PTPRM: variants seen among roughly 807,000 people sequenced by gnomAD.
PTPRM encodes receptor-type tyrosine-protein phosphatase mu.
Under a neutral mutation model 186.7 loss-of-function variants are expected in PTPRM, and 47 were observed. The observed-to-expected ratio is 0.25, with a 90% CI of 0.20 to 0.32. PTPRM has a LOEUF of 0.32. Ranked by LOEUF, PTPRM falls within the 10% of genes least tolerant of loss-of-function variation. PTPRM has a pLI of 1.00. For synonymous variants in PTPRM, 668 were observed against 674.9 expected, an observed-to-expected ratio of 0.99 and a Z score of 0.16; for missense variants, 1,494 against 1,865.0, an observed-to-expected ratio of 0.80 and a Z score of 3.66.
intron 11 of PTPRM, among the ~76,000 whole-genome samples, chr18:8,093,435 C>T (rs564651089): frequency 3.3e-5 from 5 of 152,206 alleles, no homozygotes; most frequent in South Asian, 2.1e-4. Flanking sequence ...TTCCTTTTTT[C>T]GTCTCATTTT....
intron 19 of PTPRM, among the ~76,000 whole-genome samples, chr18:8,286,435 G>C (rs577508644): frequency 4.6e-5 from 7 of 152,336 alleles, no homozygotes; most frequent in Non-Finnish European, 8.8e-5. Flanking sequence ...CTTCCGCCAT[G>C]CTGGGATTTC....
chr18:7,685,089 C>T (rs898361556), intron 1 of PTPRM, among the ~76,000 whole-genome samples: 7 of 152,130 alleles, frequency 4.6e-5, no homozygotes, highest in Admixed American at 2.0e-4. Context: ...CGATTATAAA[C>T]GTAATCACAG....
At chr18:7,812,121 C>CT (rs76188898) in intron 2 of PTPRM, among the ~76,000 whole-genome samples, 7,992 of 152,256 alleles carry the variant, frequency 0.052, 605 homozygotes, top group African/African-American at 0.16. Context: ...TTATTACCAA[C>CT]TTTATCTCTG....
At chr18:8,049,154 T>G (rs886860082) in intron 7 of PTPRM, among the ~76,000 whole-genome samples, 2 of 152,228 alleles carry the variant, frequency 1.3e-5, no homozygotes, top group African/African-American at 4.8e-5. Flanking sequence ...ACAGTTTCCT[T>G]GTAAAGTTCA....
intron 7 of PTPRM, among the ~76,000 whole-genome samples, chr18:8,026,598 T>C (rs557137749): frequency 6.6e-5 from 10 of 152,326 alleles, no homozygotes; most frequent in African/African-American, 2.4e-4. Flanking sequence ...GGCTCACGCT[T>C]GTAATTCCAA....
chr18:7,692,601 T>C (rs888101646), intron 1 of PTPRM, among the ~76,000 whole-genome samples: 1 of 152,176 alleles, frequency 6.6e-6, no homozygotes, highest in African/African-American at 2.4e-5. Flanking sequence ...TGTGAAACAG[T>C]TGGATAATTA....
chr18:8,345,943 C>A (rs2095502424), intron 23 of PTPRM, among the ~76,000 whole-genome samples: 1 of 152,160 alleles, frequency 6.6e-6, no homozygotes, highest in South Asian at 2.1e-4. Context: ...GTAAAATTAT[C>A]TGTATTACAA....
chr18:7,856,743 CAA>C (rs5822986), intron 2 of PTPRM, among the ~76,000 whole-genome samples: 2 of 140,576 alleles, frequency 1.4e-5, no homozygotes, highest in Non-Finnish European at 3.1e-5. Context: ...GACCCTGTCT[CAA>C]AAAAAAAAAA....
chr18:7,811,230 C>T (rs1215436400), intron 2 of PTPRM, among the ~76,000 whole-genome samples: 2 of 152,224 alleles, frequency 1.3e-5, no homozygotes, highest in African/African-American at 4.8e-5. Flanking sequence ...ATCAGAGACA[C>T]CCTTTTACTG....
intron 19 of PTPRM, among the ~76,000 whole-genome samples, chr18:8,278,249 G>C (rs2094859652): frequency 6.6e-6 from 1 of 152,226 alleles, no homozygotes; most frequent in Non-Finnish European, 1.5e-5. Flanking sequence ...GCAATGCAAA[G>C]TATTAAAGCA....
At chr18:7,819,834 A>G (rs1243484395) in intron 2 of PTPRM, among the ~76,000 whole-genome samples, 1 of 152,122 alleles carries the variant, frequency 6.6e-6, no homozygotes, top group Non-Finnish European at 1.5e-5. Context: ...GAAGCAAGCC[A>G]TACCACCATC....
chr18:8,376,143 T>C lies in PTPRM; in HGVS notation c.3269T>C (p.Val1090Ala). 6.2e-7 allele frequency: 1 copy of C among 1,613,944 alleles called. No individual in the cohort carries two copies. Among genetic ancestry groups the C allele is most frequent in the Non-Finnish European group, 8.5e-7 (1 of 1,180,018 alleles). The change falls in exon 25 of 33, where the codon GTG becomes GCG. Residue 1090 changes from valine to alanine, a missense_variant. By Grantham distance (64) the Val-to-Ala change is moderately conservative. Coordinates refer to ENST00000580170, the MANE Select transcript of PTPRM (RefSeq NM_001105244.2). ...PYHATGLLGFVRQVKSKSPPS... is the reference protein window; with the variant it reads ...PYHATGLLGFARQVKSKSPPS... ...CATGCCACCGGCCTGCTGGGATTCG[T>C]GCGGCAAGTCAAGTCCAAGAGCCCG...
intron 19 of PTPRM, among the ~76,000 whole-genome samples, chr18:8,272,208 T>TAAAAAA (rs1254909341): frequency 2.6e-5 from 2 of 76,138 alleles, no homozygotes; most frequent in East Asian, 3.4e-4. Context: ...TCTGCCTCAA[T>TAAAAAA]AAAAAAAAAA....
chr18:8,195,094 C>T (rs924763879), intron 14 of PTPRM, among the ~76,000 whole-genome samples: 1 of 151,704 alleles, frequency 6.6e-6, no homozygotes, highest in Non-Finnish European at 1.5e-5. Context: ...ACACTTTGGC[C>T]AGGAGTACTG....
chr18:7,598,759 C>T (rs891473887), intron 1 of PTPRM, among the ~76,000 whole-genome samples: 1 of 147,220 alleles, frequency 6.8e-6, no homozygotes, highest in Non-Finnish European at 1.5e-5. Flanking sequence ...GGCTGTTTGG[C>T]CTGAGAATTT....
intron 1 of PTPRM, among the ~76,000 whole-genome samples, chr18:7,764,512 T>G (rs2041929106): frequency 6.6e-6 from 1 of 152,228 alleles, no homozygotes; most frequent in Non-Finnish European, 1.5e-5. Flanking sequence ...CATGGGGCTG[T>G]TCCCAGAATA....
intron 7 of PTPRM, among the ~76,000 whole-genome samples, chr18:7,965,033 C>CTT (rs569596603): frequency 6.1e-4 from 73 of 120,202 alleles, no homozygotes; most frequent in Non-Finnish European, 7.8e-4. Context: ...CACTCTAACA[C>CTT]TTTTTTTTTT....
intron 4 of PTPRM, among the ~76,000 whole-genome samples, chr18:7,910,050 T>C (rs1003943952): frequency 6.6e-6 from 1 of 152,254 alleles, no homozygotes; most frequent in African/African-American, 2.4e-5. Context: ...GCTGTGCATA[T>C]ATGGGTATTT....
At chr18:7,681,413 G>A in intron 1 of PTPRM, among the ~76,000 whole-genome samples, 1 of 152,100 alleles carries the variant, frequency 6.6e-6, no homozygotes, top group East Asian at 1.9e-4. Context: ...ATGAGCAAAT[G>A]TGTAATTGTT....
Sources: gnomAD v4.1 joint callset for allele counts (sites outside exome capture counted in the v4.1 genomes callset) on GRCh38, gnomAD v4.1.1 for gene constraint, MANE v1.5 for transcripts, NCBI Gene and HGNC (gene_info 2026-07-23, HGNC 2026-07-21) for gene names.